Variants in TENM2 observed in about 807,000 individuals in gnomAD.
The protein encoded by TENM2 is teneurin transmembrane protein 2.
Under a neutral mutation model 245.2 loss-of-function variants are expected in TENM2, and 52 were observed. The ratio of observed to expected loss-of-function variants is 0.21; its 90% CI spans 0.17 to 0.27. The LOEUF is 0.27. Among genes scored for constraint, TENM2 ranks in the 10% least tolerant of loss-of-function variants. The pLI is 1.00. For synonymous variants in TENM2, 1,363 were observed against 1,438.9 expected, an observed-to-expected ratio of 0.95 and a Z score of 1.19; for missense variants, 3,046 against 3,666.8, an observed-to-expected ratio of 0.83 and a Z score of 4.37.
chr5:167,736,431 G>T (rs1760801306), intron 2 of TENM2, among the ~76,000 whole-genome samples: 2 of 152,090 alleles, frequency 1.3e-5, no homozygotes, highest in African/African-American at 4.8e-5. Context: ...ATTTGAACAG[G>T]AGAGTCATTT....
intron 2 of TENM2, among the ~76,000 whole-genome samples, chr5:167,715,944 A>T (rs1258470136): frequency 1.3e-5 from 2 of 152,220 alleles, no homozygotes; most frequent in Non-Finnish European, 2.9e-5. Flanking sequence ...ATTTTTATGA[A>T]GAGGAAAAGT....
At chr5:167,237,641 CG>C in the TENM2 span, among the ~76,000 whole-genome samples, 1 of 152,148 alleles carries the variant, frequency 6.6e-6, no homozygotes, top group Non-Finnish European at 1.5e-5. Flanking sequence ...ATCAAGAAAG[CG>C]TAAGTGTCAG....
the TENM2 span, among the ~76,000 whole-genome samples, chr5:167,249,240 A>G: frequency 6.6e-6 from 1 of 152,212 alleles, no homozygotes; most frequent in African/African-American, 2.4e-5. Context: ...TAAATCCAGG[A>G]AAAGAGCAAA....
chr5:167,068,950 GC>G, the TENM2 span, among the ~76,000 whole-genome samples: 1 of 152,136 alleles, frequency 6.6e-6, no homozygotes, highest in Non-Finnish European at 1.5e-5. Flanking sequence ...ATGCAAAATA[GC>G]TTGAGTATTC....
intron 2 of TENM2, among the ~76,000 whole-genome samples, chr5:167,378,702 C>T (rs917820205): frequency 6.6e-6 from 1 of 151,896 alleles, no homozygotes; most frequent in Non-Finnish European, 1.5e-5. Flanking sequence ...CTCTCTAAGG[C>T]CATTTGTATT....
Position 167,911,878 on chromosome 5 carries a change from A to AAT in TENM2, c.712+35694_712+35695dup, listed in dbSNP as rs781465460. 3.7e-3 allele frequency among the ~76,000 whole-genome samples: 558 copies of AAT among 152,092 alleles called. 4 individuals carry two copies. Among genetic ancestry groups the AAT allele is most frequent in the African/African-American group, 0.011 (463 of 41,494 alleles). On this transcript the variant is annotated intron_variant, in intron 3 of 28. Transcript: ENST00000518659. ...AATAAGCTTCCTTTTTTAATTAACA[A>AAT]ATATATATATATTTATGATATACAG...
At chr5:167,629,243 T>G (rs1778710840) in intron 2 of TENM2, among the ~76,000 whole-genome samples, 1 of 152,300 alleles carries the variant, frequency 6.6e-6, no homozygotes, top group African/African-American at 2.4e-5. Context: ...GTTTACTACT[T>G]TCTAGATCTG....
chr5:167,093,915 C>T, the TENM2 span, among the ~76,000 whole-genome samples: 2 of 152,162 alleles, frequency 1.3e-5, no homozygotes, highest in Non-Finnish European at 2.9e-5. Context: ...TTCTTGAGCA[C>T]ACATCAAAAA....
chr5:167,283,583 G>A (rs533273300), upstream of TENM2, among the ~76,000 whole-genome samples: 41 of 152,166 alleles, frequency 2.7e-4, no homozygotes, highest in Non-Finnish European at 5.3e-4. Flanking sequence ...GAGCAGAGGG[G>A]TTCAAAACTA....
At chr5:167,297,307 T>C (rs910566883) in intron 1 of TENM2, among the ~76,000 whole-genome samples, 1 of 152,166 alleles carries the variant, frequency 6.6e-6, no homozygotes, top group South Asian at 2.1e-4. Context: ...TATCGAGTAA[T>C]CATTTGCTGG....
chr5:167,179,913 A>C, the TENM2 span, among the ~76,000 whole-genome samples: 2 of 152,032 alleles, frequency 1.3e-5, no homozygotes, highest in Admixed American at 1.3e-4. Context: ...CCTAGTTGGG[A>C]GAATAGGAGA....
intron 9 of TENM2, among the ~76,000 whole-genome samples, chr5:168,100,844 A>G (rs1285546993): frequency 6.6e-6 from 1 of 151,002 alleles, no homozygotes; most frequent in Non-Finnish European, 1.5e-5. Context: ...TGACAGGTTG[A>G]TGGGTGCAGC....
At chr5:167,037,001 C>T in the TENM2 span, among the ~76,000 whole-genome samples, 1 of 152,200 alleles carries the variant, frequency 6.6e-6, no homozygotes, top group African/African-American at 2.4e-5. Context: ...AACCCTCCCA[C>T]ACCGAATATA....
intron 2 of TENM2, among the ~76,000 whole-genome samples, chr5:167,787,489 A>G (rs779676383): frequency 4.5e-4 from 69 of 152,180 alleles, no homozygotes; most frequent in Non-Finnish European, 7.9e-4. Flanking sequence ...TAGAAACAGG[A>G]TGGATATCTA....
intron 2 of TENM2, among the ~76,000 whole-genome samples, chr5:167,628,300 T>A (rs1442370964): frequency 6.6e-6 from 1 of 152,194 alleles, no homozygotes; most frequent in Non-Finnish European, 1.5e-5. Flanking sequence ...TGTGGTCATA[T>A]TCTCCCTGCC....
intron 2 of TENM2, among the ~76,000 whole-genome samples, chr5:167,748,022 A>G (rs1018410421): frequency 6.6e-6 from 1 of 152,158 alleles, no homozygotes; most frequent in African/African-American, 2.4e-5. Context: ...ATAAAAGTCT[A>G]GTTTTACCTT....
At chr5:167,044,896 C>T in the TENM2 span, among the ~76,000 whole-genome samples, 9 of 152,114 alleles carry the variant, frequency 5.9e-5, no homozygotes, top group Admixed American at 5.2e-4. Context: ...TAGGCAAAAC[C>T]GAGTGTGGAC....
chr5:167,807,534 A>G (rs1766302934), intron 2 of TENM2, among the ~76,000 whole-genome samples: 1 of 152,140 alleles, frequency 6.6e-6, no homozygotes, highest in Non-Finnish European at 1.5e-5. Context: ...AAACTAAAAT[A>G]CTAAATTCCC....
intron 10 of TENM2, among the ~76,000 whole-genome samples, chr5:168,120,629 G>A (rs1313698421): frequency 6.6e-6 from 1 of 152,094 alleles, no homozygotes; most frequent in African/African-American, 2.4e-5. Context: ...AACCAAACAA[G>A]CCACGTGAAT....
Sources: gnomAD v4.1 joint callset for allele counts (sites outside exome capture counted in the v4.1 genomes callset) on GRCh38, gnomAD v4.1.1 for gene constraint, MANE v1.5 for transcripts, NCBI Gene and HGNC (gene_info 2026-07-23, HGNC 2026-07-21) for gene names.